The following GMDS variants were observed in gnomAD, a reference collection of about 807,000 sequenced individuals.
The protein encoded by GMDS is GDP-mannose 4,6 dehydratase.
In GMDS, 20 loss-of-function variants were observed where a neutral mutation model predicts 49.9. That is an observed-to-expected ratio of 0.40 (90% CI 0.28 to 0.58). The LOEUF (loss-of-function observed/expected upper bound fraction) is 0.58, where lower values mean the gene tolerates loss of function less well. Ranked by LOEUF, GMDS falls within the 20% of genes least tolerant of loss-of-function variation. GMDS has a pLI of 0.42. For missense variants in GMDS, 362 were observed against 481.4 expected (o/e 0.75, Z 2.32); for synonymous variants, 177 against 178.6 (o/e 0.99, Z 0.07).
chr6:2,071,357 C>G (rs1771985346), intron 4 of GMDS, among the ~76,000 whole-genome samples: 1 of 152,114 alleles, frequency 6.6e-6, no homozygotes. Context: ...CACAAATGTT[C>G]CTTTTATCCC....
intron 7 of GMDS, among the ~76,000 whole-genome samples, chr6:1,884,414 G>A (rs906992612): frequency 1.3e-5 from 2 of 152,242 alleles, no homozygotes; most frequent in Admixed American, 1.3e-4. Flanking sequence ...AGGACTGGTG[G>A]TCAGCTATGT....
intron 1 of GMDS, among the ~76,000 whole-genome samples, chr6:2,171,890 A>G (rs952878693): frequency 7.2e-5 from 11 of 152,250 alleles, no homozygotes; most frequent in African/African-American, 2.7e-4. Flanking sequence ...AAATGTCAAC[A>G]GAACTTAAAT....
At chr6:1,924,535 T>C (rs957484478) in intron 7 of GMDS, among the ~76,000 whole-genome samples, 1 of 152,228 alleles carries the variant, frequency 6.6e-6, no homozygotes, top group Non-Finnish European at 1.5e-5. Context: ...GCCCAGCTCC[T>C]ACCATTTAGC....
At chr6:1,840,251 G>A (rs890283232) in intron 7 of GMDS, among the ~76,000 whole-genome samples, 1 of 152,176 alleles carries the variant, frequency 6.6e-6, no homozygotes, top group Non-Finnish European at 1.5e-5. Context: ...CTCCCACCTG[G>A]AAGGGGCACC....
intron 10 of GMDS, 92 bp downstream of exon 10, chr6:1,624,380 A>G (rs1212242612): frequency 6.7e-6 from 9 of 1,344,324 alleles, no homozygotes; most frequent in Non-Finnish European, 9.4e-6. Flanking sequence ...GGCTTTGGGC[A>G]TCGCAGGCGC....
intron 1 of GMDS, among the ~76,000 whole-genome samples, chr6:2,199,336 C>A (rs1027439411): frequency 2.0e-5 from 3 of 152,168 alleles, no homozygotes; most frequent in Non-Finnish European, 4.4e-5. Context: ...TAAATTAATT[C>A]TCTGACACAA....
chr6:2,179,224 A>G (rs1203976455), intron 1 of GMDS, among the ~76,000 whole-genome samples: 3 of 152,246 alleles, frequency 2.0e-5, no homozygotes, highest in Admixed American at 2.0e-4. Flanking sequence ...CTCTAATAAA[A>G]CATTTCAAAA....
At chr6:1,646,153 C>T (rs564887763) in intron 9 of GMDS, among the ~76,000 whole-genome samples, 4 of 152,364 alleles carry the variant, frequency 2.6e-5, no homozygotes, top group African/African-American at 7.2e-5. Context: ...ATCTTAGCCA[C>T]CTTTAGCTCC....
chr6:1,827,945 A>G (rs1301005682), intron 7 of GMDS, among the ~76,000 whole-genome samples: 1 of 152,200 alleles, frequency 6.6e-6, no homozygotes, highest in Non-Finnish European at 1.5e-5. Flanking sequence ...AAGGAACAAA[A>G]TAAAATGACA....
intron 6 of GMDS, among the ~76,000 whole-genome samples, chr6:1,947,343 A>T (rs1763119109): frequency 6.6e-6 from 1 of 152,166 alleles, no homozygotes; most frequent in African/African-American, 2.4e-5. Flanking sequence ...CCTTAAAACA[A>T]GGTTTATTTC....
chr6:2,045,322 C>A (rs1039187961), intron 4 of GMDS, among the ~76,000 whole-genome samples: 16 of 151,848 alleles, frequency 1.1e-4, no homozygotes, highest in African/African-American at 3.9e-4. Flanking sequence ...ATTTTAAATT[C>A]ATTAATTATA....
intron 7 of GMDS, among the ~76,000 whole-genome samples, chr6:1,861,736 G>A (rs181887960): frequency 3.9e-5 from 6 of 152,234 alleles, no homozygotes; most frequent in Non-Finnish European, 5.9e-5. Flanking sequence ...ACCTGGTGTC[G>A]TGGCCTCTTC....
At chr6:1,715,806 T>A (rs1766155598) in intron 9 of GMDS, among the ~76,000 whole-genome samples, 1 of 152,234 alleles carries the variant, frequency 6.6e-6, no homozygotes, top group Non-Finnish European at 1.5e-5. Flanking sequence ...ACTATACTTT[T>A]TAAATTTTAG....
intron 4 of GMDS, among the ~76,000 whole-genome samples, chr6:2,064,927 AAAGTT>A (rs1425373420): frequency 6.6e-6 from 1 of 152,192 alleles, no homozygotes; most frequent in Non-Finnish European, 1.5e-5. Flanking sequence ...TGGGAACAAA[AAAGTT>A]AAGCAGCTTG....
intron 1 of GMDS, among the ~76,000 whole-genome samples, chr6:2,229,542 C>T (rs758457032): frequency 3.9e-5 from 6 of 151,948 alleles, no homozygotes; most frequent in East Asian, 1.9e-4. Context: ...GCAAAGATCA[C>T]GCCACTGTAC....
intron 9 of GMDS, among the ~76,000 whole-genome samples, chr6:1,695,907 GTTTTTTTTTTTTTTTCT>G (rs1374474164): frequency 2.4e-5 from 3 of 124,412 alleles, no homozygotes; most frequent in African/African-American, 6.1e-5. Flanking sequence ...TTCTGTCTTG[GTTTTTTTTTTTTTTTCT>G]TTTTTTTTTT....
intron 7 of GMDS, among the ~76,000 whole-genome samples, chr6:1,923,907 A>G (rs530736489): frequency 2.0e-5 from 3 of 152,192 alleles, no homozygotes; most frequent in Non-Finnish European, 4.4e-5. Flanking sequence ...TCTGTCTGTA[A>G]CCTATGTACC....
chr6:1,699,915 A>C (rs557419749), intron 9 of GMDS, among the ~76,000 whole-genome samples: 2 of 152,340 alleles, frequency 1.3e-5, no homozygotes, highest in South Asian at 4.1e-4. Flanking sequence ...CACAGCCTCC[A>C]TACGCAGAGG....
chr6:2,065,342 T>C (rs1771498985), intron 4 of GMDS, among the ~76,000 whole-genome samples: 2 of 151,972 alleles, frequency 1.3e-5, no homozygotes, highest in Admixed American at 1.3e-4. Flanking sequence ...GCAGAAAAAC[T>C]GGAAACTCTA....
Sources: allele counts gnomAD v4.1 joint callset (sites outside exome capture counted in the v4.1 genomes callset), GRCh38; gene constraint gnomAD v4.1.1; transcripts MANE v1.5; gene names NCBI Gene and HGNC (gene_info 2026-07-23, HGNC 2026-07-21).